Variants in SLC9A9 observed in about 807,000 individuals in gnomAD.
The protein encoded by SLC9A9 is solute carrier family 9 member A9, also known as sodium/hydrogen exchanger 9.
SLC9A9 carries 62 observed loss-of-function variants against 77.8 expected under a neutral mutation model. The observed-to-expected ratio is 0.80, with a 90% CI of 0.65 to 0.98. The LOEUF (loss-of-function observed/expected upper bound fraction) is 0.98, where lower values mean the gene tolerates loss of function less well. SLC9A9 is among the 50% of genes least tolerant of loss of function. The pLI is 0.00. For missense variants in SLC9A9, 775 were observed against 774.9 expected, an observed-to-expected ratio of 1.00 and a Z score of 0.00; for synonymous variants, 320 against 283.5, an observed-to-expected ratio of 1.13 and a Z score of -1.29.
rs533770760 is a variant in SLC9A9 at position 143,530,978 on chromosome 3, C to T, written c.1089+21384G>A. On this transcript the variant is annotated intron_variant, in intron 9 of 15. Transcript: ENST00000316549. The stretch of plus-strand genomic sequence containing the variant: ...CGAGATATAATTATGAGTCCTAATT[C>T]CAGCACTCAGAAAAAACACAACAAA... Among the ~76,000 whole-genome samples, 124 of 152,260 alleles carry T rather than the reference C, an allele frequency of 8.1e-4. No individual in the cohort carries two copies. The Middle Eastern group carries it at 0.01, about 13-fold the overall frequency.
intron 4 of SLC9A9, among the ~76,000 whole-genome samples, chr3:143,707,045 G>A (rs1274153371): frequency 6.6e-6 from 1 of 152,140 alleles, no homozygotes; most frequent in Non-Finnish European, 1.5e-5. Context: ...TCATTGTTAG[G>A]TGCATAAGTG....
intron 12 of SLC9A9, among the ~76,000 whole-genome samples, chr3:143,386,379 T>C (rs575949470): frequency 2.4e-4 from 36 of 152,326 alleles, no homozygotes; most frequent in Middle Eastern, 3.4e-3. Context: ...GAAACCCAGA[T>C]GTCAAGAGAG....
chr3:143,451,990 A>T (rs1222747676), intron 12 of SLC9A9, among the ~76,000 whole-genome samples: 3 of 152,156 alleles, frequency 2.0e-5, no homozygotes, highest in Non-Finnish European at 2.9e-5. Flanking sequence ...GTAAAAATAT[A>T]GGTAAAGATA....
chr3:143,467,007 T>G, intron 12 of SLC9A9, 30 bp downstream of exon 12: 1 of 1,609,158 alleles, frequency 6.2e-7, no homozygotes, highest in Non-Finnish European at 8.5e-7. Flanking sequence ...TGCCTCATAA[T>G]GATTTCCTTT....
intron 14 of SLC9A9, among the ~76,000 whole-genome samples, chr3:143,324,719 G>C (rs940837784): frequency 6.6e-6 from 1 of 152,160 alleles, no homozygotes; most frequent in African/African-American, 2.4e-5. Context: ...CTACTTGGGA[G>C]GCTGAGGCAG....
At chr3:143,705,023 C>CTA (rs1475095993) in intron 4 of SLC9A9, among the ~76,000 whole-genome samples, 2 of 31,956 alleles carry the variant, frequency 6.3e-5, no homozygotes, top group African/African-American at 2.1e-4. Context: ...ATCTATCTAT[C>CTA]TATCTATCTA....
rs181817043 is a variant in SLC9A9, at chr3:143,277,278, C to T, written c.1605-8298G>A. Among the ~76,000 whole-genome samples, 30 of 152,320 alleles carry T rather than the reference C, an allele frequency of 2.0e-4. 2 individuals are homozygous for T. Among genetic ancestry groups the T allele is most frequent in the Admixed American group, 1.7e-3 (26 of 15,304 alleles). On this transcript the variant is annotated intron_variant, in intron 14 of 15. Coordinates refer to ENST00000316549, the MANE Select transcript of SLC9A9 (RefSeq NM_173653.4). ...ATCTTAATACAGAAGAAAGTCGAAA[C>T]CCAGTGTTTCCCTAAGTGTAGTCTC... is the stretch of plus-strand genomic sequence containing the variant.
At chr3:143,655,723 T>G in intron 5 of SLC9A9, 1 of 716,894 alleles carries the variant, frequency 1.4e-6, no homozygotes, top group Non-Finnish European at 1.7e-6. Flanking sequence ...AACACACCCC[T>G]ACCTCTAGGT....
chr3:143,451,989 T>C (rs1242108213), intron 12 of SLC9A9, among the ~76,000 whole-genome samples: 3 of 152,044 alleles, frequency 2.0e-5, no homozygotes, highest in African/African-American at 4.8e-5. Flanking sequence ...AGTAAAAATA[T>C]AGGTAAAGAT....
chr3:143,718,055 C>G (rs778809823), intron 4 of SLC9A9, among the ~76,000 whole-genome samples: 3 of 147,904 alleles, frequency 2.0e-5, no homozygotes. Flanking sequence ...TCAAGCCACA[C>G]AAGTTAAAAT....
intron 5 of SLC9A9, among the ~76,000 whole-genome samples, chr3:143,661,178 C>A (rs1452918899): frequency 6.6e-6 from 1 of 152,136 alleles, no homozygotes; most frequent in Non-Finnish European, 1.5e-5. Flanking sequence ...GGGGAGCAAG[C>A]CAAAAGTCAT....
chr3:143,491,625 T>C (rs922029848), intron 11 of SLC9A9, among the ~76,000 whole-genome samples: 17 of 152,160 alleles, frequency 1.1e-4, no homozygotes, highest in Middle Eastern at 3.2e-3. Context: ...GCAGCTCCAA[T>C]ACTACCGTTA....
intron 2 of SLC9A9, among the ~76,000 whole-genome samples, chr3:143,816,865 C>G (rs967592361): frequency 2.0e-5 from 3 of 152,192 alleles, no homozygotes; most frequent in African/African-American, 7.2e-5. Flanking sequence ...AATGATATCA[C>G]ATGATCATTA....
intron 4 of SLC9A9, among the ~76,000 whole-genome samples, chr3:143,735,200 C>T (rs1363227419): frequency 3.9e-5 from 6 of 152,108 alleles, no homozygotes; most frequent in Admixed American, 1.3e-4. Context: ...AGAAAGCAAT[C>T]GTTGAGAATC....
chr3:143,323,477 A>G (rs1234916530), intron 14 of SLC9A9, among the ~76,000 whole-genome samples: 1 of 152,234 alleles, frequency 6.6e-6, no homozygotes, highest in Middle Eastern at 3.2e-3. Flanking sequence ...ACAGAAAGAC[A>G]GATACTGCTT....
chr3:143,391,232 G>C (rs1181909323), intron 12 of SLC9A9, among the ~76,000 whole-genome samples: 1 of 152,204 alleles, frequency 6.6e-6, no homozygotes, highest in Admixed American at 6.5e-5. Flanking sequence ...TCACATGGCT[G>C]GGTACCCCTC....
chr3:143,379,687 G>A (rs939750334), intron 13 of SLC9A9, among the ~76,000 whole-genome samples: 2 of 152,114 alleles, frequency 1.3e-5, no homozygotes, highest in South Asian at 2.1e-4. Context: ...GTGATGTTTC[G>A]TGTCACTTGA....
intron 12 of SLC9A9, among the ~76,000 whole-genome samples, chr3:143,394,712 C>G (rs1165831636): frequency 6.6e-6 from 1 of 152,326 alleles, no homozygotes; most frequent in African/African-American, 2.4e-5. Context: ...CCCATCGTCT[C>G]AGCCCCAAAT....
At chr3:143,563,942 T>C (rs182259182) in intron 8 of SLC9A9, among the ~76,000 whole-genome samples, 5 of 152,274 alleles carry the variant, frequency 3.3e-5, no homozygotes, top group Admixed American at 3.3e-4. Context: ...TGTCTCCCTC[T>C]TGACCTCTAT....
Sources: allele counts gnomAD v4.1 joint callset (sites outside exome capture counted in the v4.1 genomes callset), GRCh38; gene constraint gnomAD v4.1.1; transcripts MANE v1.5; gene names NCBI Gene and HGNC (gene_info 2026-07-23, HGNC 2026-07-21).